The following AOAH variants were observed in gnomAD, a reference collection of about 807,000 sequenced individuals.
AOAH encodes the protein acyloxyacyl hydrolase (neutrophil).
Under a neutral mutation model 92.2 loss-of-function variants are expected in AOAH, and 64 were observed. The ratio of observed to expected loss-of-function variants is 0.69; its 90% CI spans 0.57 to 0.86. The LOEUF is 0.86. Among genes scored for constraint, AOAH ranks in the 40% least tolerant of loss-of-function variants. The pLI, the probability that AOAH is intolerant of heterozygous loss-of-function variation, is 0.00. For synonymous variants in AOAH, 263 were observed against 254.5 expected (o/e 1.03, Z -0.32); for missense variants, 656 against 694.6 (o/e 0.94, Z 0.62).
intron 1 of AOAH, among the ~76,000 whole-genome samples, chr7:36,709,951 T>A (rs1211964819): frequency 6.6e-6 from 1 of 152,208 alleles, no homozygotes; most frequent in Admixed American, 6.5e-5. Flanking sequence ...TGTATTCATG[T>A]CTATTTGGTG....
intron 1 of AOAH, among the ~76,000 whole-genome samples, chr7:36,708,183 G>C (rs935903669): frequency 6.6e-6 from 1 of 151,512 alleles, no homozygotes; most frequent in Non-Finnish European, 1.5e-5. Flanking sequence ...TAAATGTTGA[G>C]ATACTGGATA....
intron 5 of AOAH, among the ~76,000 whole-genome samples, chr7:36,635,919 C>A (rs182629347): frequency 3.4e-4 from 52 of 152,322 alleles, no homozygotes; most frequent in African/African-American, 1.2e-3. Context: ...ATGCTCGATG[C>A]TCTGCCAAAT....
intron 14 of AOAH, 103 bp downstream of exon 14, chr7:36,549,336 C>G: frequency 1.2e-6 from 1 of 865,292 alleles, no homozygotes; most frequent in Non-Finnish European, 1.9e-6. Flanking sequence ...GACTAACAAG[C>G]TATTTATGCT....
At chr7:36,671,449 C>T (rs1230326260) in intron 3 of AOAH, among the ~76,000 whole-genome samples, 3 of 152,208 alleles carry the variant, frequency 2.0e-5, no homozygotes, top group African/African-American at 7.2e-5. Flanking sequence ...AAACTGTTTT[C>T]CATCTAGATA....
intron 20 of AOAH, among the ~76,000 whole-genome samples, chr7:36,517,106 C>T (rs1265860139): frequency 6.6e-6 from 1 of 152,158 alleles, no homozygotes; most frequent in Non-Finnish European, 1.5e-5. Context: ...TTCCACGAGG[C>T]GCTGCACAGG....
chr7:36,599,477 T>G (rs977733925), intron 11 of AOAH, among the ~76,000 whole-genome samples: 1 of 152,206 alleles, frequency 6.6e-6, no homozygotes, highest in East Asian at 1.9e-4. Flanking sequence ...CCCTTTTCTA[T>G]TACATGTACC....
chr7:36,653,551 C>T (rs987491113), intron 4 of AOAH, among the ~76,000 whole-genome samples: 2 of 152,192 alleles, frequency 1.3e-5, no homozygotes, highest in Admixed American at 1.3e-4. Context: ...CCCCCACACT[C>T]AGCATCAGAG....
chr7:36,516,217 TAC>T lies in AOAH; in HGVS notation c.1600-2839_1600-2838del, dbSNP rs753561569. On this transcript the variant is annotated intron_variant, in intron 20 of 20. Coordinates refer to ENST00000617537, the MANE Select transcript of AOAH (RefSeq NM_001637.4). This position sits in a 1 kb window ranked among gnomAD's most constrained non-coding sequence, Gnocchi z 5.0. ...CTCTCTTATATACACACACACATCC[TAC>T]ACACACCCCACACACACCTCACACA... is the stretch of plus-strand genomic sequence containing the variant. Among the ~76,000 whole-genome samples the T allele has an allele frequency of 7.2e-6, 1 of 138,214 alleles. No individual in the cohort carries two copies. Among genetic ancestry groups the T allele is most frequent in the Admixed American group, 7.2e-5 (1 of 13,922 alleles). 90.7% of individuals were successfully genotyped at this position (138,214 alleles called of 152,430 possible).
At chr7:36,591,238 T>A (rs754210167) in intron 12 of AOAH, among the ~76,000 whole-genome samples, 1 of 152,066 alleles carries the variant, frequency 6.6e-6, no homozygotes, top group East Asian at 1.9e-4. Flanking sequence ...CACAAACACA[T>A]AGAAAGAAAA....
Position 36,513,154 on chromosome 7 carries a change from T to G in AOAH, c.*98A>C, listed in dbSNP as rs754607282. 1 of 1,613,132 alleles carries G rather than the reference T, an allele frequency of 6.2e-7. No homozygotes were observed. The highest frequency in any genetic ancestry group is 1.3e-5 in the African/African-American group (1 of 75,052). On this transcript the variant is annotated 3_prime_UTR_variant, in exon 21 of 21. Coordinates refer to ENST00000617537, the MANE Select transcript of AOAH (RefSeq NM_001637.4). ...AAGATGCTGCTGAAGAAGAGTCCTT[T>G]GGGCCTGTGACGTGGCAGCCCCCAT...
At chr7:36,515,847 C>T (rs1783654739) in intron 20 of AOAH, among the ~76,000 whole-genome samples, 1 of 137,704 alleles carries the variant, frequency 7.3e-6, no homozygotes, top group South Asian at 2.5e-4. Context: ...ATACGTCACA[C>T]ACCCCCCACA....
At chr7:36,576,253 G>T (rs1027853336) in intron 13 of AOAH, among the ~76,000 whole-genome samples, 2 of 152,218 alleles carry the variant, frequency 1.3e-5, no homozygotes, top group African/African-American at 4.8e-5. Flanking sequence ...CTCAGCTCTT[G>T]TTCTGCTAAT....
chr7:36,557,122 C>T (rs1786794413), intron 13 of AOAH, among the ~76,000 whole-genome samples: 2 of 152,176 alleles, frequency 1.3e-5, no homozygotes, highest in South Asian at 4.1e-4. Context: ...GCAGCTGGTA[C>T]CAGTTGTGCC....
intron 2 of AOAH, among the ~76,000 whole-genome samples, chr7:36,681,756 G>A (rs1337356480): frequency 1.3e-5 from 2 of 152,108 alleles, no homozygotes; most frequent in Non-Finnish European, 2.9e-5. Context: ...AGCCGAGATT[G>A]CGCCACTGCA....
chr7:36,687,669 G>A lies in AOAH; in HGVS notation c.128-875C>T, dbSNP rs181080928. Among the ~76,000 whole-genome samples, 419 of 152,174 alleles carry A rather than the reference G, an allele frequency of 2.8e-3. 3 individuals carry two copies. Among genetic ancestry groups the A allele is most frequent in the Middle Eastern group, 0.024 (7 of 294 alleles). ...AGAAGAGTGGACACTTGCTGGCAGA[G>A]GTTCATTTCTAAGGGGGCAAAGGAA... is the stretch of plus-strand genomic sequence containing the variant. On this transcript the variant is annotated intron_variant, in intron 1 of 20. Transcript: ENST00000617537.
intron 11 of AOAH, among the ~76,000 whole-genome samples, chr7:36,601,152 C>A (rs1184892714): frequency 6.6e-6 from 1 of 152,130 alleles, no homozygotes; most frequent in Non-Finnish European, 1.5e-5. Flanking sequence ...CTGGTTTCTG[C>A]CTCTGTCATC....
chr7:36,539,866 A>G (rs570919218), intron 16 of AOAH, among the ~76,000 whole-genome samples: 1 of 152,260 alleles, frequency 6.6e-6, no homozygotes, highest in African/African-American at 2.4e-5. Flanking sequence ...AGCCTTTCGG[A>G]GCTAAGGACC....
intron 20 of AOAH, among the ~76,000 whole-genome samples, chr7:36,520,349 G>T (rs1269466504): frequency 6.6e-6 from 1 of 152,204 alleles, no homozygotes; most frequent in Non-Finnish European, 1.5e-5. Flanking sequence ...ATTGTTTACA[G>T]AATCAGAAGG....
intron 3 of AOAH, chr7:36,661,066 T>C (rs1303866141): frequency 6.6e-6 from 1 of 152,158 alleles, no homozygotes; most frequent in Non-Finnish European, 1.5e-5. Context: ...GGAGGGACAG[T>C]GATGGAGTCT....
Sources: gnomAD v4.1 joint callset for allele counts (sites outside exome capture counted in the v4.1 genomes callset) on GRCh38, gnomAD v4.1.1 for gene constraint, Gnocchi (gnomAD v3.1) non-coding constraint, MANE v1.5 for transcripts, NCBI Gene and HGNC (gene_info 2026-07-23, HGNC 2026-07-21) for gene names.